The following CUBN variants were observed in gnomAD, a reference collection of about 807,000 sequenced individuals.
CUBN encodes the protein 460 kDa receptor.
A neutral mutation model predicts 405.3 loss-of-function variants in CUBN; 282 were observed. The observed-to-expected ratio is 0.70, with a 90% confidence interval of 0.63 to 0.77. The LOEUF is 0.77. CUBN is among the 30% of genes least tolerant of loss of function. The probability of loss-of-function intolerance (pLI) is 0.00; values close to 1 mark genes in which losing one functional copy is unlikely to be tolerated. For synonymous variants in CUBN, 1,684 were observed against 1,617.0 expected, an observed-to-expected ratio of 1.04 and a Z score of -0.99; for missense variants, 4,514 against 4,475.2, an observed-to-expected ratio of 1.01 and a Z score of -0.25.
chr10:16,933,427 A>ATTCAT, intron 39 of CUBN, 143 bp from the exon 40 acceptor site: 1 of 726,324 alleles, frequency 1.4e-6, no homozygotes, highest in Middle Eastern at 3.8e-4. Context: ...TGAATATCGT[A>ATTCAT]TGTAACCCAC....
At chr10:17,112,864 C>T (rs1836802811) in intron 8 of CUBN, among the ~76,000 whole-genome samples, 1 of 152,172 alleles carries the variant, frequency 6.6e-6, no homozygotes, top group Non-Finnish European at 1.5e-5. Flanking sequence ...AGCTCAAGTT[C>T]TCATATTGTA....
chr10:16,835,019 A>G lies in CUBN; in HGVS notation c.10357T>C (p.Leu3453=). 6.2e-7 allele frequency: 1 copy of G among 1,613,808 alleles called. No individual in the cohort carries two copies. Among genetic ancestry groups the G allele is most frequent in the Non-Finnish European group, 8.5e-7 (1 of 1,179,676 alleles). The part of the protein sequence containing the change: ...ENSVECRNDF[L]EVRNGSNSNS... ...GATATTCAAATGCATATCACCTCCA[A>G]GAAATCGTTTCTGCATTCAACTGAG... is the stretch of plus-strand genomic sequence containing the variant. The change falls in exon 64 of 67, where the codon TTG becomes CTG. Residue 3453 remains leucine (L), a synonymous_variant. Coordinates refer to ENST00000377833, the MANE Select transcript of CUBN (RefSeq NM_001081.4).
chr10:17,014,897 G>C (rs954041168), intron 28 of CUBN, among the ~76,000 whole-genome samples: 1 of 152,194 alleles, frequency 6.6e-6, no homozygotes, highest in Non-Finnish European at 1.5e-5. Flanking sequence ...CTGGGAGTCA[G>C]AGTGCAGGAG....
rs774758697 is a variant in CUBN, at chr10:17,085,574, C to A, written c.2110+23G>T. 2.5e-6 allele frequency: 4 copies of A among 1,610,768 alleles called. No homozygotes were observed. The South Asian group carries it at 4.4e-5, about 18-fold the overall frequency. On this transcript the variant is annotated intron_variant, in intron 16 of 66. Coordinates refer to ENST00000377833, the MANE Select transcript of CUBN (RefSeq NM_001081.4). ...CATTGGCCTTCAAATCCCTCTTAAG[C>A]CCCCAACTGGTAGGTTACTTACAAG...
intron 14 of CUBN, among the ~76,000 whole-genome samples, chr10:17,095,932 A>G (rs1411804612): frequency 6.6e-6 from 1 of 152,116 alleles, no homozygotes; most frequent in East Asian, 1.9e-4. Context: ...ACACACAGAC[A>G]TAAATGGGAT....
Position 16,952,989 on chromosome 10 carries a change from T to C in CUBN, c.4856-600A>G, listed in dbSNP as rs894479844. Reference sequence around the variant, plus strand: ...CATCTATAGAGGCTCAGCTGGAGCATGGGGTGCCCCAGGGATGTGGGTGAC... The same window carrying C: ...CATCTATAGAGGCTCAGCTGGAGCACGGGGTGCCCCAGGGATGTGGGTGAC... On this transcript the variant is annotated intron_variant, in intron 32 of 66. Transcript: ENST00000377833. Among the ~76,000 whole-genome samples, 33 of 152,222 alleles carry C rather than the reference T, an allele frequency of 2.2e-4. 1 individual carries two copies. Among genetic ancestry groups the C allele is most frequent in the East Asian group, 1.7e-3 (9 of 5,164 alleles).
At position 16,903,959 on chromosome 10, in the gene CUBN, T is replaced by C; in HGVS notation, c.8062+7A>G. ...AATTTTATCAAGATCTTAATTATAA[T>C]TCTTACCTGTAAAGGAATACTTTGC... On this transcript the variant is annotated splice_region_variant and intron_variant, in intron 51 of 66. Transcript: ENST00000377833. 2.5e-6 allele frequency: 4 copies of C among 1,588,290 alleles called. 1 individual carries two copies. In the Admixed American group the frequency reaches 5.1e-5, roughly 20 times the overall value.
intron 7 of CUBN, among the ~76,000 whole-genome samples, 173 bp downstream of exon 7, chr10:17,115,298 G>T (rs1299095323): frequency 6.6e-6 from 1 of 151,588 alleles, no homozygotes; most frequent in Admixed American, 6.6e-5. Flanking sequence ...TAATCTCTGG[G>T]TCCTACTTCC....
chr10:16,949,932 A>T (rs1385007876), intron 34 of CUBN, 69 bp downstream of exon 34: 13 of 1,158,880 alleles, frequency 1.1e-5, no homozygotes, highest in Non-Finnish European at 1.5e-5. Flanking sequence ...ATGGCAGCCT[A>T]TAAATATGCG....
chr10:16,901,918 T>TATATATATATACAC (rs1236540013), intron 51 of CUBN, among the ~76,000 whole-genome samples: 4,553 of 109,738 alleles, frequency 0.041, 155 homozygotes, highest in South Asian at 0.066. Context: ...TATATATATA[T>TATATATATATACAC]ACACACACAC....
chr10:16,842,593 C>T (rs1839386303), intron 60 of CUBN, among the ~76,000 whole-genome samples: 1 of 152,200 alleles, frequency 6.6e-6, no homozygotes, highest in South Asian at 2.1e-4. Flanking sequence ...AGGTGATCTC[C>T]ATCGTCCTTC....
At chr10:16,858,446 A>G (rs1564389407) in intron 59 of CUBN, among the ~76,000 whole-genome samples, 1 of 152,054 alleles carries the variant, frequency 6.6e-6, no homozygotes, top group South Asian at 2.1e-4. Flanking sequence ...TCAGCCTCCC[A>G]GTTAGCTAGG....
chr10:16,871,532 A>G (rs1840354216), intron 58 of CUBN, among the ~76,000 whole-genome samples: 1 of 151,894 alleles, frequency 6.6e-6, no homozygotes. Flanking sequence ...TTTCAGACTG[A>G]TGAGGAACAA....
At chr10:17,060,496 T>A (rs1166898753) in intron 22 of CUBN, among the ~76,000 whole-genome samples, 1 of 152,184 alleles carries the variant, frequency 6.6e-6, no homozygotes, top group Non-Finnish European at 1.5e-5. Flanking sequence ...ATATCATGAT[T>A]AAGCATTTTG....
In CUBN at chr10:17,115,732, T is replaced by C. The variant is rs933921891; in HGVS notation, c.594-135A>G. 2.2e-5 allele frequency: 24 copies of C among 1,068,250 alleles called. No individual in the cohort carries two copies. The African/African-American group carries it at 3.7e-4, about 17-fold the overall frequency. The allele number at this position is 1,068,250 out of a possible 1,614,324, so 66.2% of individuals were successfully genotyped here. Reference sequence around the variant, plus strand: ...TGGAATCGTCAGCCAGCAATGCAAATTTACTGACTGGAGTCTCGGGAGAAA... The same window carrying C: ...TGGAATCGTCAGCCAGCAATGCAAACTTACTGACTGGAGTCTCGGGAGAAA... On this transcript the variant is annotated intron_variant, in intron 6 of 66. Transcript: ENST00000377833.
At chr10:16,997,587 T>C (rs1257724398) in intron 28 of CUBN, among the ~76,000 whole-genome samples, 1 of 152,084 alleles carries the variant, frequency 6.6e-6, no homozygotes, top group Non-Finnish European at 1.5e-5. Flanking sequence ...GTGAACTATT[T>C]CCTGGAGTGA....
intron 36 of CUBN, 49 bp from the exon 37 acceptor site, chr10:16,940,286 C>G: frequency 1.3e-6 from 2 of 1,510,904 alleles, no homozygotes; most frequent in South Asian, 2.2e-5. Context: ...AGAGAATAGA[C>G]TTTGGGATTC....
chr10:17,013,081 G>A (rs1834227683), intron 28 of CUBN, among the ~76,000 whole-genome samples: 1 of 152,194 alleles, frequency 6.6e-6, no homozygotes, highest in African/African-American at 2.4e-5. Context: ...TTACAGAGAA[G>A]ACCTTCAATT....
At chr10:17,056,714 A>G (rs1341600647) in intron 22 of CUBN, among the ~76,000 whole-genome samples, 2 of 152,172 alleles carry the variant, frequency 1.3e-5, no homozygotes, top group African/African-American at 4.8e-5. Context: ...TAAAAGGGAT[A>G]AAAGGATATA....
Sources: gnomAD v4.1 joint callset for allele counts (sites outside exome capture counted in the v4.1 genomes callset) on GRCh38, gnomAD v4.1.1 for gene constraint, MANE v1.5 for transcripts, NCBI Gene and HGNC (gene_info 2026-07-23, HGNC 2026-07-21) for gene names.